The following DMD variants were observed in gnomAD, a reference collection of about 807,000 sequenced individuals.
DMD encodes mutant dystrophin.
A neutral mutation model predicts 330.1 loss-of-function variants in DMD; 63 were observed. The observed-to-expected ratio is 0.19, with a 90% CI of 0.16 to 0.24. The LOEUF (loss-of-function observed/expected upper bound fraction) is 0.24, where lower values mean the gene tolerates loss of function less well. DMD is among the 10% of genes least tolerant of loss of function. DMD has a pLI of 1.00. For synonymous variants in DMD, 1,223 were observed against 959.8 expected (o/e 1.27, Z -5.07); for missense variants, 3,344 against 2,684.1 (o/e 1.25, Z -5.43).
At chrX:32,444,977 G>C (rs182794953) in intron 27 of DMD, among the ~76,000 whole-genome samples, 1 of 111,099 alleles carries the variant, frequency 9.0e-6, no homozygotes, top group African/African-American at 3.3e-5. Context: ...TGAAAGGTAC[G>C]GAGTATAGGT....
At chrX:32,361,356 A>G (rs2097833615) in intron 37 of DMD, among the ~76,000 whole-genome samples, 1 of 111,582 alleles carries the variant, frequency 9.0e-6, no homozygotes, top group Admixed American at 9.7e-5. Flanking sequence ...TCAAATATAT[A>G]TATTTGTGAC....
chrX:31,589,968 A>G (rs2076796027), intron 55 of DMD, among the ~76,000 whole-genome samples: 1 of 111,732 alleles, frequency 8.9e-6, no homozygotes, highest in Admixed American at 9.5e-5. Context: ...TTGTAAAAGT[A>G]TCAAGCCATG....
chrX:32,744,927 G>A (rs1029447469), intron 7 of DMD, among the ~76,000 whole-genome samples: 2 of 111,822 alleles, frequency 1.8e-5, no homozygotes, highest in African/African-American at 6.5e-5. Flanking sequence ...TTAAAGGACT[G>A]TATTCTACAT....
intron 44 of DMD, among the ~76,000 whole-genome samples, chrX:32,035,861 T>C (rs1172583317): frequency 8.9e-6 from 1 of 111,732 alleles, no homozygotes; most frequent in African/African-American, 3.3e-5. Flanking sequence ...CAGGGAACGT[T>C]AGGATCGCTG....
At chrX:32,326,565 C>T (rs2097651810) in intron 41 of DMD, among the ~76,000 whole-genome samples, 1 of 112,135 alleles carries the variant, frequency 8.9e-6, no homozygotes, top group African/African-American at 3.2e-5. Context: ...AGCTAATATG[C>T]CATATGGCAT....
rs1280448205 is a variant in DMD, at chrX:32,594,189, C to G, written c.1602+1568G>C. Among the ~76,000 whole-genome samples the G allele has an allele frequency of 2.7e-5, 3 of 111,854 alleles. No homozygotes were observed. The Admixed American group carries it at 2.9e-4, about 11-fold the overall frequency. The stretch of plus-strand genomic sequence containing the variant: ...ATTGGAAGTATTTTTAGAGTTCTAA[C>G]TCAGGGTGTTAAGTATGCATCTCTC... On this transcript the variant is annotated intron_variant, in intron 13 of 78. Transcript: ENST00000357033.
chrX:31,424,184 A>G (rs1476064358), intron 60 of DMD, among the ~76,000 whole-genome samples: 1 of 111,663 alleles, frequency 9.0e-6, no homozygotes, highest in Admixed American at 9.5e-5. Flanking sequence ...AAGCAGTAGG[A>G]AAATGCCGTC....
At chrX:31,724,551 T>C (rs1569298437) in intron 52 of DMD, among the ~76,000 whole-genome samples, 1 of 111,894 alleles carries the variant, frequency 8.9e-6, no homozygotes, top group South Asian at 3.7e-4. Flanking sequence ...TGAAAAATCC[T>C]TAGCTGAAAA....
intron 1 of DMD, among the ~76,000 whole-genome samples, chrX:33,100,903 G>A (rs1397826889): frequency 9.0e-6 from 1 of 110,702 alleles, no homozygotes; most frequent in Non-Finnish European, 1.9e-5. Flanking sequence ...TCAGCTCCTA[G>A]GAAATGCCTA....
At chrX:31,758,283 G>A (rs1385867554) in intron 51 of DMD, among the ~76,000 whole-genome samples, 1 of 110,958 alleles carries the variant, frequency 9.0e-6, no homozygotes, top group African/African-American at 3.3e-5. Flanking sequence ...ATATTTGGAA[G>A]AATTAAAGTG....
chrX:32,406,761 T>C (rs1459099699), intron 30 of DMD, among the ~76,000 whole-genome samples: 1 of 111,424 alleles, frequency 9.0e-6, no homozygotes, highest in Non-Finnish European at 1.9e-5. Flanking sequence ...AGCATGGTAC[T>C]GGTACCAAAA....
intron 1 of DMD, among the ~76,000 whole-genome samples, chrX:33,102,351 C>A: frequency 9.5e-6 from 1 of 105,295 alleles, no homozygotes; most frequent in African/African-American, 3.5e-5. Flanking sequence ...ACTTTAAAAA[C>A]TCAGGTGTTA....
intron 29 of DMD, among the ~76,000 whole-genome samples, chrX:32,429,357 C>A (rs777907163): frequency 7.2e-5 from 7 of 96,937 alleles, no homozygotes; most frequent in Non-Finnish European, 1.0e-4. Context: ...TTATAGGCAC[C>A]CACCACCAAG....
intron 4 of DMD, among the ~76,000 whole-genome samples, chrX:32,843,301 T>A (rs1384437904): frequency 2.7e-5 from 3 of 112,520 alleles, no homozygotes; most frequent in Non-Finnish European, 5.6e-5. Flanking sequence ...ACATTTTCTT[T>A]GTGTAACTTT....
At chrX:32,588,255 G>T (rs763548067) in intron 13 of DMD, among the ~76,000 whole-genome samples, 10 of 112,068 alleles carry the variant, frequency 8.9e-5, no homozygotes, top group African/African-American at 3.2e-4. Context: ...TATATGATCG[G>T]TGCCCAAACA....
chrX:32,125,295 A>G (rs1008034415), intron 44 of DMD, among the ~76,000 whole-genome samples: 1 of 111,796 alleles, frequency 8.9e-6, no homozygotes, highest in African/African-American at 3.3e-5. Context: ...TTAAATCAGT[A>G]GGACCAGGTG....
rs932990601 is a variant in DMD at position 31,298,061 on chromosome X, G to A, written c.9224+25537C>T. Among the ~76,000 whole-genome samples the A allele has an allele frequency of 2.7e-5, 3 of 111,927 alleles. No individual in the cohort carries two copies. In the Admixed American group the frequency reaches 2.9e-4, roughly 11 times the overall value. On this transcript the variant is annotated intron_variant, in intron 62 of 78. Coordinates refer to ENST00000357033, the MANE Select transcript of DMD (RefSeq NM_004006.3). ...TGCTTTGTTAGTGTGGGCTAGCACA[G>A]GCTTGCCTTTAGGTACCTGAGTGGA...
intron 1 of DMD, among the ~76,000 whole-genome samples, chrX:33,076,587 A>T (rs1477103863): frequency 1.8e-5 from 2 of 111,968 alleles, no homozygotes; most frequent in Non-Finnish European, 3.8e-5. Context: ...ACAAAAACAA[A>T]CAAAAATAAA....
intron 2 of DMD, among the ~76,000 whole-genome samples, chrX:32,890,642 A>T (rs1311672467): frequency 9.0e-6 from 1 of 111,386 alleles, no homozygotes; most frequent in Non-Finnish European, 1.9e-5. Flanking sequence ...TTTCTTTGGT[A>T]AGAAGGCGAA....
Sources: gnomAD v4.1 joint callset for allele counts (sites outside exome capture counted in the v4.1 genomes callset) on GRCh38, gnomAD v4.1.1 for gene constraint, MANE v1.5 for transcripts, NCBI Gene and HGNC (gene_info 2026-07-23, HGNC 2026-07-21) for gene names.